The following VAT1L variants were observed in gnomAD, a reference collection of about 807,000 sequenced individuals.
VAT1L encodes the protein putative NADPH-dependent quinone oxidoreductase VAT1L.
VAT1L carries 34 observed loss-of-function variants against 44.1 expected under a neutral mutation model. The observed-to-expected ratio is 0.77, with a 90% CI of 0.59 to 1.03. The LOEUF is 1.03. Ranked by LOEUF, VAT1L falls within the 50% of genes least tolerant of loss-of-function variation. The pLI, the probability that VAT1L is intolerant of heterozygous loss-of-function variation, is 0.00. For missense variants in VAT1L, 615 were observed against 538.8 expected, an observed-to-expected ratio of 1.14 and a Z score of -1.40; for synonymous variants, 253 against 202.2, an observed-to-expected ratio of 1.25 and a Z score of -2.13.
At chr16:77,888,126 A>C (rs1279110390) in intron 7 of VAT1L, among the ~76,000 whole-genome samples, 1 of 152,200 alleles carries the variant, frequency 6.6e-6, no homozygotes, top group African/African-American at 2.4e-5. Flanking sequence ...ACCTGTACAG[A>C]GAAGCCTTCC....
chr16:77,808,970 A>C (rs1425182925), intron 1 of VAT1L, among the ~76,000 whole-genome samples: 1 of 152,152 alleles, frequency 6.6e-6, no homozygotes, highest in Non-Finnish European at 1.5e-5. Context: ...TCCACTACCT[A>C]GTATACGGCA....
chr16:77,856,127 G>T (rs1234026335), intron 3 of VAT1L, among the ~76,000 whole-genome samples: 1 of 152,158 alleles, frequency 6.6e-6, no homozygotes, highest in Non-Finnish European at 1.5e-5. Flanking sequence ...CGGGAGAAAA[G>T]ACAGGAAAGA....
chr16:77,925,905 G>T (rs979818617), intron 7 of VAT1L, among the ~76,000 whole-genome samples: 1 of 152,046 alleles, frequency 6.6e-6, no homozygotes, highest in African/African-American at 2.4e-5. Context: ...GCTTTATTGG[G>T]TCCTTGAGTG....
At chr16:77,942,345 G>A (rs56407011) in intron 7 of VAT1L, among the ~76,000 whole-genome samples, 1 of 151,942 alleles carries the variant, frequency 6.6e-6, no homozygotes. Flanking sequence ...ACCTCCCCCT[G>A]GTTCCCTCCC....
At chr16:77,877,540 A>C (rs1035016484) in intron 5 of VAT1L, among the ~76,000 whole-genome samples, 7 of 141,038 alleles carry the variant, frequency 5.0e-5, no homozygotes, top group African/African-American at 1.6e-4. Context: ...AAAAAAAAAA[A>C]AAACCACATT....
chr16:77,977,547 G>A (rs569572619), intron 8 of VAT1L, 50 bp from the exon 9 acceptor site: 44 of 1,585,304 alleles, frequency 2.8e-5, no homozygotes, highest in Non-Finnish European at 3.7e-5. Flanking sequence ...GCTCAGAGAT[G>A]ACGAGGCTGG....
chr16:77,807,039 G>C (rs1359456149), intron 1 of VAT1L, among the ~76,000 whole-genome samples: 1 of 152,124 alleles, frequency 6.6e-6, no homozygotes, highest in Non-Finnish European at 1.5e-5. Flanking sequence ...TTTATTTAAA[G>C]GTCTCATTCT....
At chr16:77,820,837 T>A (rs1243101124) in intron 2 of VAT1L, among the ~76,000 whole-genome samples, 2 of 152,324 alleles carry the variant, frequency 1.3e-5, no homozygotes, top group East Asian at 1.9e-4. Flanking sequence ...AACATATTAG[T>A]TTTTGTTTTG....
intron 3 of VAT1L, among the ~76,000 whole-genome samples, chr16:77,837,020 G>T (rs1272968604): frequency 6.6e-6 from 1 of 151,320 alleles, no homozygotes; most frequent in Non-Finnish European, 1.5e-5. Flanking sequence ...CTTATTCCAG[G>T]TCACACAGCT....
intron 7 of VAT1L, among the ~76,000 whole-genome samples, chr16:77,900,728 A>G (rs1018183471): frequency 7.2e-5 from 11 of 151,818 alleles, no homozygotes; most frequent in African/African-American, 2.7e-4. Context: ...AAAAAAGGCA[A>G]AAATATTGCC....
At chr16:77,836,372 A>C (rs1256026672) in intron 3 of VAT1L, among the ~76,000 whole-genome samples, 1 of 152,106 alleles carries the variant, frequency 6.6e-6, no homozygotes, top group African/African-American at 2.4e-5. Flanking sequence ...AATAATGGGA[A>C]ACAGAAGCCC....
At chr16:77,874,934 C>T (rs555635339) in intron 4 of VAT1L, among the ~76,000 whole-genome samples, 1 of 151,124 alleles carries the variant, frequency 6.6e-6, no homozygotes, top group South Asian at 2.1e-4. Context: ...TTAGCAGTGG[C>T]AGCAGCACCT....
rs182790402 is a variant in VAT1L at position 77,952,268 on chromosome 16, C to A, written c.1078-19582C>A. 4.6e-5 allele frequency among the ~76,000 whole-genome samples: 7 copies of A among 152,106 alleles called. No individual in the cohort carries two copies. In the South Asian group the frequency reaches 1.5e-3, roughly 32 times the overall value. ...TTAGGGACCTACAGTCAGGAAGAAA[C>A]CTGTTGATACAGTTTGGATCTGTGT... is the stretch of plus-strand genomic sequence containing the variant. On this transcript the variant is annotated intron_variant, in intron 7 of 8. Transcript: ENST00000302536.
chr16:77,838,368 T>A (rs1195989091), intron 3 of VAT1L, among the ~76,000 whole-genome samples: 2 of 152,100 alleles, frequency 1.3e-5, no homozygotes, highest in Non-Finnish European at 2.9e-5. Flanking sequence ...AGGCGCGTGG[T>A]CTCTGTTCTC....
intron 7 of VAT1L, 68 bp from the exon 8 acceptor site, chr16:77,971,782 C>A: frequency 6.5e-7 from 1 of 1,530,864 alleles, no homozygotes; most frequent in Non-Finnish European, 8.9e-7. Context: ...TTGAGTTCTC[C>A]AGGCCCCCTT....
chr16:77,884,509 A>G lies in VAT1L; in HGVS notation c.883-99A>G. On this transcript the variant is annotated intron_variant, in intron 6 of 8. Coordinates refer to ENST00000302536, the MANE Select transcript of VAT1L (RefSeq NM_020927.3). The surrounding 1 kb of genome is among the most constrained non-coding windows in gnomAD (Gnocchi z 4.5). ...CTGGAATCTGCTGAGCTGCAGCCCC[A>G]CGTTCCCCCTGTAGTAGCTGATGAC... 2 of 1,217,508 alleles carry G rather than the reference A, an allele frequency of 1.6e-6. 1 individual carries two copies. Among genetic ancestry groups the G allele is most frequent in the South Asian group, 3.1e-5 (2 of 65,324 alleles). 75.4% of individuals were successfully genotyped at this position (1,217,508 alleles called of 1,614,324 possible).
chr16:77,931,417 A>G (rs540445113), intron 7 of VAT1L, among the ~76,000 whole-genome samples: 1 of 152,310 alleles, frequency 6.6e-6, no homozygotes, highest in East Asian at 1.9e-4. Flanking sequence ...TAACTTTTAC[A>G]TCAGATATTC....
chr16:77,903,542 G>A (rs1354613289), intron 7 of VAT1L, among the ~76,000 whole-genome samples: 1 of 152,024 alleles, frequency 6.6e-6, no homozygotes, highest in Non-Finnish European at 1.5e-5. Flanking sequence ...CTGGACCAGG[G>A]TGTACAAAAA....
At chr16:77,955,186 G>A (rs965650421) in intron 7 of VAT1L, among the ~76,000 whole-genome samples, 6 of 152,194 alleles carry the variant, frequency 3.9e-5, no homozygotes, top group African/African-American at 1.4e-4. Context: ...AGCAATGGGA[G>A]GGGAGAGATA....
Sources: gnomAD v4.1 joint callset for allele counts (sites outside exome capture counted in the v4.1 genomes callset) on GRCh38, gnomAD v4.1.1 for gene constraint, Gnocchi (gnomAD v3.1) non-coding constraint, MANE v1.5 for transcripts, NCBI Gene and HGNC (gene_info 2026-07-23, HGNC 2026-07-21) for gene names.